ZNF420: variants seen among roughly 807,000 people sequenced by gnomAD.
The protein encoded by ZNF420 is zinc finger protein 420, also known as ATM and p53-associated KZNF protein.
ZNF420 carries 31 observed loss-of-function variants against 44.7 expected under a neutral mutation model. The ratio of observed to expected loss-of-function variants is 0.69; its 90% CI spans 0.52 to 0.94. The LOEUF (loss-of-function observed/expected upper bound fraction) is 0.94, where lower values mean the gene tolerates loss of function less well. ZNF420 is among the 40% of genes least tolerant of loss of function. The pLI is 0.00. For missense variants in ZNF420, 681 were observed against 827.9 expected, an observed-to-expected ratio of 0.82 and a Z score of 2.18; for synonymous variants, 245 against 267.4, an observed-to-expected ratio of 0.92 and a Z score of 0.82.
At chr19:37,021,804 G>A (rs1486117578) in intron 1 of ZNF420, among the ~76,000 whole-genome samples, 9 of 151,558 alleles carry the variant, frequency 5.9e-5, no homozygotes, top group Non-Finnish European at 5.9e-5. Context: ...TGGCATGGTG[G>A]CGTACACCTG....
At chr19:37,058,039 G>A (rs1967791170) in intron 1 of ZNF420, among the ~76,000 whole-genome samples, 1 of 152,134 alleles carries the variant, frequency 6.6e-6, no homozygotes, top group Admixed American at 6.5e-5. Flanking sequence ...TCTTGCCTGG[G>A]ATCTGGCCTC....
intron 1 of ZNF420, among the ~76,000 whole-genome samples, chr19:37,011,738 T>A (rs1253899007): frequency 6.6e-6 from 1 of 152,138 alleles, no homozygotes; most frequent in Non-Finnish European, 1.5e-5. Flanking sequence ...ATTGTTCGTC[T>A]CGCCATCGCC....
At chr19:37,016,817 TTAG>T (rs1387400754) in intron 1 of ZNF420, among the ~76,000 whole-genome samples, 2 of 152,162 alleles carry the variant, frequency 1.3e-5, no homozygotes, top group African/African-American at 4.8e-5. Flanking sequence ...GCCAAACAGG[TTAG>T]TAGCCAGGCT....
chr19:37,024,755 T>G (rs1246727300), intron 1 of ZNF420: 1 of 152,006 alleles, frequency 6.6e-6, no homozygotes, highest in Admixed American at 6.6e-5. Flanking sequence ...TGGCCTTAAT[T>G]TTTTTAAATA....
At chr19:37,090,779 G>A (rs1248848818) in intron 3 of ZNF420, among the ~76,000 whole-genome samples, 1 of 151,896 alleles carries the variant, frequency 6.6e-6, no homozygotes, top group African/African-American at 2.4e-5. Flanking sequence ...AATTAACTGG[G>A]CGCAGTGGCA....
intron 1 of ZNF420, among the ~76,000 whole-genome samples, chr19:37,034,792 C>T (rs1267753624): frequency 2.0e-5 from 3 of 152,120 alleles, no homozygotes; most frequent in African/African-American, 7.2e-5. Flanking sequence ...TTTAGGATTG[C>T]CTAAATAATG....
intron 1 of ZNF420, among the ~76,000 whole-genome samples, chr19:37,067,819 T>G: frequency 6.6e-6 from 1 of 152,152 alleles, no homozygotes; most frequent in East Asian, 1.9e-4. Flanking sequence ...TCTCCATATG[T>G]GTGTGTACAT....
intron 4 of ZNF420, among the ~76,000 whole-genome samples, chr19:37,097,559 A>G (rs998676868): frequency 1.3e-5 from 2 of 152,302 alleles, no homozygotes; most frequent in East Asian, 1.9e-4. Context: ...ATGTATTTCT[A>G]TAGACATCTG....
intron 1 of ZNF420, among the ~76,000 whole-genome samples, chr19:37,060,179 C>T (rs1262213925): frequency 1.3e-5 from 2 of 152,152 alleles, no homozygotes; most frequent in African/African-American, 4.8e-5. Flanking sequence ...GATGACCACA[C>T]TCCAGGTAAG....
intron 4 of ZNF420, among the ~76,000 whole-genome samples, chr19:37,096,956 T>C (rs967840069): frequency 6.6e-6 from 1 of 151,476 alleles, no homozygotes; most frequent in African/African-American, 2.4e-5. Context: ...TGGAGTGCAG[T>C]GGCGTGATCT....
chr19:37,053,599 G>T (rs1967683084), intron 1 of ZNF420, among the ~76,000 whole-genome samples: 1 of 152,200 alleles, frequency 6.6e-6, no homozygotes, highest in Non-Finnish European at 1.5e-5. Context: ...TCAGCTGCAG[G>T]TCTGTTGGAC....
intron 1 of ZNF420, among the ~76,000 whole-genome samples, chr19:37,045,047 T>C (rs1340158762): frequency 2.0e-5 from 3 of 152,248 alleles, no homozygotes; most frequent in African/African-American, 7.2e-5. Flanking sequence ...AGACTGCTAC[T>C]ATGCATTATA....
At chr19:37,126,888 G>T (rs1909483113) in intron 4 of ZNF420, among the ~76,000 whole-genome samples, 1 of 151,938 alleles carries the variant, frequency 6.6e-6, no homozygotes, top group South Asian at 2.1e-4. Flanking sequence ...ATGAGACAGA[G>T]AAATTGAAAA....
chr19:37,066,999 G>C (rs1428715048), intron 1 of ZNF420, among the ~76,000 whole-genome samples: 1 of 152,096 alleles, frequency 6.6e-6, no homozygotes, highest in African/African-American at 2.4e-5. Flanking sequence ...ATACAACATG[G>C]ATACATTTTT....
At position 37,092,418 on chromosome 19, in the gene ZNF420, A is replaced by G. The variant is rs566511680; in HGVS notation, c.136+1297A>G. 4.6e-4 allele frequency: 70 copies of G among 152,152 alleles called. 1 individual carries two copies. Among genetic ancestry groups the G allele is most frequent in the African/African-American group, 1.6e-3 (66 of 41,498 alleles). The allele number at this position is 152,152 out of a possible 1,614,324, so 9.4% of individuals were successfully genotyped here. ...TGTGCTTGGTAGTTGAATATTACAT[A>G]TTAAGAACTTTGGGCTCGGCTCGGT... On this transcript the variant is annotated intron_variant, in intron 4 of 4. Coordinates refer to ENST00000337995, the MANE Select transcript of ZNF420 (RefSeq NM_144689.5).
chr19:37,009,993 C>T (rs2074556057), intron 1 of ZNF420, among the ~76,000 whole-genome samples: 1 of 152,182 alleles, frequency 6.6e-6, no homozygotes, highest in African/African-American at 2.4e-5. Flanking sequence ...CAGCAGGAGC[C>T]CCTACTGCCG....
intron 4 of ZNF420, among the ~76,000 whole-genome samples, chr19:37,116,876 CA>C (rs1172615990): frequency 6.6e-6 from 1 of 152,194 alleles, no homozygotes; most frequent in Non-Finnish European, 1.5e-5. Context: ...GCTGTGCTAG[CA>C]AACTGCAAGG....
intron 4 of ZNF420, among the ~76,000 whole-genome samples, chr19:37,098,916 TG>T (rs1296855788): frequency 6.6e-6 from 1 of 152,234 alleles, no homozygotes; most frequent in African/African-American, 2.4e-5. Context: ...GTTCCACATA[TG>T]AGTGAGATCA....
intron 4 of ZNF420, among the ~76,000 whole-genome samples, chr19:37,116,764 G>A (rs150509478): frequency 1.2e-4 from 19 of 152,276 alleles, no homozygotes; most frequent in South Asian, 4.1e-4. Context: ...CTAATACTGC[G>A]CTTTTCCAAC....
Sources: gnomAD v4.1 joint callset for allele counts (sites outside exome capture counted in the v4.1 genomes callset) on GRCh38, gnomAD v4.1.1 for gene constraint, MANE v1.5 for transcripts, NCBI Gene and HGNC (gene_info 2026-07-23, HGNC 2026-07-21) for gene names.